Variants in KCNH7 observed in about 807,000 individuals in gnomAD.
KCNH7 encodes potassium voltage-gated channel subfamily H member 7, also known as voltage-gated inwardly rectifying potassium channel KCNH7.
Under a neutral mutation model 120.8 loss-of-function variants are expected in KCNH7, and 49 were observed. That is an observed-to-expected ratio of 0.41 (90% confidence interval 0.32 to 0.51). The LOEUF (loss-of-function observed/expected upper bound fraction) is 0.51. Ranked by LOEUF, KCNH7 falls within the 20% of genes least tolerant of loss-of-function variation. KCNH7 has a pLI of 0.38. For missense variants in KCNH7, 1,097 were observed against 1,446.6 expected (o/e 0.76, Z 3.92); for synonymous variants, 547 against 516.1 (o/e 1.06, Z -0.81).
intron 4 of KCNH7, among the ~76,000 whole-genome samples, chr2:162,513,351 CTCCTTCTTTCCT>C (rs1558987577): frequency 2.1e-5 from 1 of 47,168 alleles, no homozygotes; most frequent in Non-Finnish European, 5.5e-5. Context: ...CCCTCCTTCC[CTCCTTCTTTCCT>C]TCCTTCCTTC....
intron 2 of KCNH7, among the ~76,000 whole-genome samples, chr2:162,787,044 T>A (rs1244252256): frequency 6.6e-6 from 1 of 152,166 alleles, no homozygotes; most frequent in African/African-American, 2.4e-5. Flanking sequence ...GAAGAATGGA[T>A]CGAGCAATGA....
intron 7 of KCNH7, among the ~76,000 whole-genome samples, chr2:162,440,210 C>A (rs1420147175): frequency 6.6e-6 from 1 of 151,670 alleles, no homozygotes; most frequent in Non-Finnish European, 1.5e-5. Flanking sequence ...AAAACCTTTG[C>A]CTATAAATAA....
At chr2:162,510,463 G>A (rs1691033431) in intron 5 of KCNH7, among the ~76,000 whole-genome samples, 1 of 151,374 alleles carries the variant, frequency 6.6e-6, no homozygotes, top group Non-Finnish European at 1.5e-5. Context: ...CGGACTTCCC[G>A]AGAAAGTTAA....
intron 2 of KCNH7, among the ~76,000 whole-genome samples, chr2:162,799,138 G>T (rs1324968181): frequency 6.6e-6 from 1 of 151,918 alleles, no homozygotes; most frequent in Non-Finnish European, 1.5e-5. Context: ...ATTTTTTTAA[G>T]TAGTAGGCAA....
chr2:162,578,851 A>C (rs1162157257), intron 2 of KCNH7, among the ~76,000 whole-genome samples: 5 of 152,058 alleles, frequency 3.3e-5, no homozygotes, highest in Non-Finnish European at 5.9e-5. Flanking sequence ...ACCAAATTGT[A>C]ATCATTGTTA....
chr2:162,573,877 A>G (rs187375741), intron 2 of KCNH7, among the ~76,000 whole-genome samples: 2 of 152,054 alleles, frequency 1.3e-5, no homozygotes, highest in African/African-American at 2.4e-5. Context: ...TTTAATACCT[A>G]TGCAAGGACA....
At chr2:162,631,221 A>T (rs1175034239) in intron 2 of KCNH7, among the ~76,000 whole-genome samples, 1 of 152,034 alleles carries the variant, frequency 6.6e-6, no homozygotes, top group Non-Finnish European at 1.5e-5. Context: ...CTGCACTTTC[A>T]CCAGATGAGA....
intron 2 of KCNH7, among the ~76,000 whole-genome samples, chr2:162,805,965 C>T (rs923228550): frequency 3.9e-5 from 6 of 151,970 alleles, no homozygotes; most frequent in East Asian, 1.9e-4. Flanking sequence ...CATTACTCTA[C>T]GTGAAGTAAC....
chr2:162,798,668 G>A (rs1442681048), intron 2 of KCNH7, among the ~76,000 whole-genome samples: 1 of 152,018 alleles, frequency 6.6e-6, no homozygotes, highest in Non-Finnish European at 1.5e-5. Flanking sequence ...AAAAGAAGCA[G>A]TATTCATAAA....
At chr2:162,753,077 A>C (rs574190591) in intron 2 of KCNH7, among the ~76,000 whole-genome samples, 11 of 151,382 alleles carry the variant, frequency 7.3e-5, no homozygotes, top group African/African-American at 2.4e-4. Context: ...TAAAGAAAAT[A>C]TTTGAACTTC....
At chr2:162,605,552 G>T (rs1307738949) in intron 2 of KCNH7, among the ~76,000 whole-genome samples, 1 of 152,004 alleles carries the variant, frequency 6.6e-6, no homozygotes, top group African/African-American at 2.4e-5. Flanking sequence ...TTTTGGGAAA[G>T]GAATACTGAA....
chr2:162,470,157 C>A lies in KCNH7; in HGVS notation c.1129-23714G>T, dbSNP rs1689456261. 2.6e-5 allele frequency among the ~76,000 whole-genome samples: 4 copies of A among 152,094 alleles called. No homozygotes were observed. In the South Asian group the frequency reaches 8.3e-4, roughly 32 times the overall value. Reference sequence around the variant, plus strand: ...GTCTGGGAAGTGAGGAGTGTCTCTGCCTGGCCGCCCATCGTCTGGGATGTG... The same window carrying A: ...GTCTGGGAAGTGAGGAGTGTCTCTGACTGGCCGCCCATCGTCTGGGATGTG... On this transcript the variant is annotated intron_variant, in intron 6 of 15. Coordinates refer to ENST00000332142, the MANE Select transcript of KCNH7 (RefSeq NM_033272.4).
chr2:162,661,238 G>A (rs955392570), intron 2 of KCNH7, among the ~76,000 whole-genome samples: 2 of 151,944 alleles, frequency 1.3e-5, no homozygotes, highest in Admixed American at 6.6e-5. Flanking sequence ...TCACCTGTTA[G>A]GAAAAATAAA....
In KCNH7 at chr2:162,649,249, T is replaced by A. The variant is rs372059208; in HGVS notation, c.308-112169A>T. Among the ~76,000 whole-genome samples the A allele has an allele frequency of 3.9e-5, 6 of 152,028 alleles. No homozygotes were observed. In the East Asian group the frequency reaches 7.7e-4, roughly 20 times the overall value. ...TTTTGAAATAACATGCACCAAAACC[T>A]TTTTTTTGTATGCTGAAGATTTCCT... On this transcript the variant is annotated intron_variant, in intron 2 of 15. Transcript: ENST00000332142.
chr2:162,535,742 A>T (rs1309140871), intron 3 of KCNH7, among the ~76,000 whole-genome samples: 2 of 151,740 alleles, frequency 1.3e-5, no homozygotes, highest in Non-Finnish European at 3.0e-5. Flanking sequence ...CCTTCTGAAA[A>T]TTAATATCGA....
At chr2:162,711,035 A>G (rs924297840) in intron 2 of KCNH7, among the ~76,000 whole-genome samples, 77 of 152,192 alleles carry the variant, frequency 5.1e-4, no homozygotes, top group African/African-American at 1.8e-3. Flanking sequence ...GTTTAAAATT[A>G]CCATTATACT....
intron 2 of KCNH7, among the ~76,000 whole-genome samples, chr2:162,794,443 TC>T (rs1684065641): frequency 6.6e-6 from 1 of 152,014 alleles, no homozygotes; most frequent in South Asian, 2.1e-4. Flanking sequence ...CTCAACTCAG[TC>T]CTGGGCTAGA....
intron 2 of KCNH7, among the ~76,000 whole-genome samples, chr2:162,777,043 A>G (rs1261397030): frequency 6.6e-6 from 1 of 152,146 alleles, no homozygotes; most frequent in East Asian, 1.9e-4. Context: ...ACTAGTACAT[A>G]AAGGCTGTGA....
At chr2:162,728,685 G>A (rs551880768) in intron 2 of KCNH7, among the ~76,000 whole-genome samples, 1 of 152,254 alleles carries the variant, frequency 6.6e-6, no homozygotes, top group East Asian at 1.9e-4. Flanking sequence ...GGCTGAGGCA[G>A]GAGAATAGCT....
Sources: allele counts gnomAD v4.1 joint callset (sites outside exome capture counted in the v4.1 genomes callset), GRCh38; gene constraint gnomAD v4.1.1; transcripts MANE v1.5; gene names NCBI Gene and HGNC (gene_info 2026-07-23, HGNC 2026-07-21).